The following KALRN variants were observed in gnomAD, a reference collection of about 807,000 sequenced individuals.
KALRN encodes the protein kalirin RhoGEF kinase, also known as kalirin.
KALRN carries 70 observed loss-of-function variants against 353.7 expected under a neutral mutation model. The observed-to-expected ratio is 0.20, with a 90% CI of 0.16 to 0.24. The LOEUF is 0.24. KALRN is among the 10% of genes least tolerant of loss of function. KALRN has a pLI of 1.00. For missense variants in KALRN, 2,791 were observed against 3,756.7 expected (o/e 0.74, Z 6.72); for synonymous variants, 1,391 against 1,434.8 (o/e 0.97, Z 0.69).
intron 34 of KALRN, among the ~76,000 whole-genome samples, chr3:124,615,404 C>G (rs4677932): frequency 0.32 from 48,153 of 152,040 alleles, 8,486 homozygotes; most frequent in Non-Finnish European, 0.39. Flanking sequence ...CAGGATATCA[C>G]TGTTAAATTT....
At chr3:124,552,161 T>G (rs540580672) in intron 33 of KALRN, among the ~76,000 whole-genome samples, 10 of 152,368 alleles carry the variant, frequency 6.6e-5, no homozygotes, top group African/African-American at 2.4e-4. Context: ...TGACATTTCT[T>G]CTGGCCTGAG....
intron 37 of KALRN, among the ~76,000 whole-genome samples, chr3:124,649,564 A>T (rs762667036): frequency 6.6e-6 from 1 of 152,122 alleles, no homozygotes; most frequent in Non-Finnish European, 1.5e-5. Context: ...ACTTGAGCCC[A>T]GGAGTTCAAG....
At chr3:124,137,996 G>T (rs1182613137) in intron 1 of KALRN, among the ~76,000 whole-genome samples, 1 of 152,176 alleles carries the variant, frequency 6.6e-6, no homozygotes. Context: ...GGTCAGAACA[G>T]CCCTAGTCGG....
At chr3:124,347,120 T>G (rs1278929010) in intron 9 of KALRN, 23 bp from the exon 10 acceptor site, 2 of 1,613,694 alleles carry the variant, frequency 1.2e-6, no homozygotes, top group Non-Finnish European at 1.7e-6. Flanking sequence ...AAGTCATTGT[T>G]GCTGTTATCC....
intron 6 of KALRN, among the ~76,000 whole-genome samples, chr3:124,310,517 A>G (rs1056764103): frequency 1.3e-5 from 2 of 152,230 alleles, no homozygotes; most frequent in African/African-American, 4.8e-5. Context: ...AAAACTTAAT[A>G]CAAAGCAAAA....
intron 37 of KALRN, among the ~76,000 whole-genome samples, chr3:124,642,814 T>TTGTTGTTG (rs1295983829): frequency 2.9e-5 from 3 of 102,208 alleles, no homozygotes; most frequent in Admixed American, 1.1e-4. Flanking sequence ...TCGTTTTTTT[T>TTGTTGTTG]TTTTTTTTTT....
chr3:124,059,622 G>T (rs1439891575), intron 1 of KALRN, among the ~76,000 whole-genome samples: 1 of 152,182 alleles, frequency 6.6e-6, no homozygotes, highest in Non-Finnish European at 1.5e-5. Flanking sequence ...TGAGATGTGT[G>T]TGCCTGTTGG....
At position 124,482,980 on chromosome 3, in the gene KALRN, A is replaced by G. The variant is rs556924145; in HGVS notation, c.4284+80A>G. 20 of 954,786 alleles carry G rather than the reference A, an allele frequency of 2.1e-5. No individual in the cohort carries two copies. In the South Asian group the frequency reaches 2.5e-4, roughly 12 times the overall value. 59.1% of individuals were successfully genotyped at this position (954,786 alleles called of 1,614,324 possible). On this transcript the variant is annotated intron_variant, in intron 28 of 59. Coordinates refer to ENST00000682506, the MANE Select transcript of KALRN (RefSeq NM_001388419.1). ...AGTCCCAGCTTTGGCCCCTAAGGAT[A>G]GGAATGCTTCCACCTGAAGACCTTT...
At chr3:124,574,423 G>A (rs1296392822) in intron 34 of KALRN, among the ~76,000 whole-genome samples, 1 of 152,198 alleles carries the variant, frequency 6.6e-6, no homozygotes, top group Admixed American at 6.5e-5. Context: ...GCCTGCTGGT[G>A]CCCACTGTAA....
At chr3:124,394,359 T>C (rs575372546) in intron 11 of KALRN, among the ~76,000 whole-genome samples, 144 of 152,344 alleles carry the variant, frequency 9.5e-4, no homozygotes, top group Admixed American at 2.5e-3. Context: ...AAGTGAGCTC[T>C]CTGGCAGGCC....
intron 1 of KALRN, among the ~76,000 whole-genome samples, chr3:124,199,554 TAAG>T (rs5852393): frequency 0.33 from 50,691 of 151,894 alleles, 8,470 homozygotes; most frequent in East Asian, 0.51. Flanking sequence ...TAATTTTTAT[TAAG>T]AAGTTACATA....
chr3:124,449,848 T>C (rs1215025114), intron 21 of KALRN, among the ~76,000 whole-genome samples: 1 of 127,372 alleles, frequency 7.9e-6, no homozygotes, highest in Non-Finnish European at 1.9e-5. Flanking sequence ...CTTTCAGGAT[T>C]CATCCATGCT....
At chr3:124,100,952 T>G (rs1237055031) in intron 1 of KALRN, among the ~76,000 whole-genome samples, 1 of 152,170 alleles carries the variant, frequency 6.6e-6, no homozygotes, top group African/African-American at 2.4e-5. Context: ...TTAACATGGA[T>G]GTCAGAGAGT....
intron 9 of KALRN, among the ~76,000 whole-genome samples, chr3:124,337,161 C>G (rs1412064422): frequency 6.6e-6 from 1 of 152,130 alleles, no homozygotes. Flanking sequence ...CTTTCTCTTG[C>G]CTGATTGCCC....
intron 11 of KALRN, among the ~76,000 whole-genome samples, chr3:124,392,652 T>C (rs2089589071): frequency 6.7e-6 from 1 of 148,536 alleles, no homozygotes; most frequent in South Asian, 2.2e-4. Flanking sequence ...TCACCCAGGC[T>C]GGAGTGCAGC....
chr3:124,514,265 A>G (rs1339155353), intron 33 of KALRN, among the ~76,000 whole-genome samples: 1 of 152,198 alleles, frequency 6.6e-6, no homozygotes, highest in African/African-American at 2.4e-5. Flanking sequence ...GGAACACAGA[A>G]TACATAAAGT....
chr3:124,629,096 T>C (rs1035545187), intron 34 of KALRN, among the ~76,000 whole-genome samples: 1 of 152,190 alleles, frequency 6.6e-6, no homozygotes, highest in African/African-American at 2.4e-5. Context: ...AATATCAGTA[T>C]GCAAACCGGC....
At chr3:124,486,354 A>T (rs1391378458) in intron 28 of KALRN, among the ~76,000 whole-genome samples, 5 of 152,172 alleles carry the variant, frequency 3.3e-5, no homozygotes, top group African/African-American at 1.2e-4. Flanking sequence ...TGATATATGA[A>T]AATAAGATTG....
intron 1 of KALRN, among the ~76,000 whole-genome samples, chr3:124,045,559 T>C (rs2149107514): frequency 6.6e-6 from 1 of 152,326 alleles, no homozygotes; most frequent in South Asian, 2.1e-4. Flanking sequence ...TCATTCCTTT[T>C]GATGGGAATT....
Sources: allele counts gnomAD v4.1 joint callset (sites outside exome capture counted in the v4.1 genomes callset), GRCh38; gene constraint gnomAD v4.1.1; transcripts MANE v1.5; gene names NCBI Gene and HGNC (gene_info 2026-07-23, HGNC 2026-07-21).